Variants in CASK observed in about 807,000 individuals in gnomAD.
CASK encodes the protein calcium/calmodulin dependent serine protein kinase.
CASK carries 4 observed loss-of-function variants against 82.9 expected under a neutral mutation model. That is an observed-to-expected ratio of 0.05 (90% CI 0.02 to 0.11). The LOEUF is 0.11. Ranked by LOEUF, CASK falls within the 10% of genes least tolerant of loss-of-function variation. The probability of loss-of-function intolerance (pLI) is 1.00; values close to 1 mark genes in which losing one functional copy is unlikely to be tolerated. For synonymous variants in CASK, 259 were observed against 253.5 expected, an observed-to-expected ratio of 1.02 and a Z score of -0.20; for missense variants, 358 against 720.9, an observed-to-expected ratio of 0.50 and a Z score of 5.76.
Position 41,531,220 on chromosome X carries a change from G to A in CASK, c.2318-11C>T, listed in dbSNP as rs2147086584. 4 of 1,183,727 alleles carry A rather than the reference G, an allele frequency of 3.4e-6. No individual in the cohort carries two copies. Among genetic ancestry groups the A allele is most frequent in the East Asian group, 3.0e-5 (1 of 33,770 alleles). ...GAGGTCTGGTTGTATCTGCAAAGTC[G>A]CATGGCACAAGAGGTTTAAAAGGCT... is the stretch of plus-strand genomic sequence containing the variant. On this transcript the variant is annotated splice_polypyrimidine_tract_variant and intron_variant, in intron 24 of 26. Coordinates refer to ENST00000378163, the MANE Select transcript of CASK (RefSeq NM_001367721.1).
rs578064521 is a variant in CASK at position 41,671,712 on chromosome X, C to T, written c.430-182G>A. Among the ~76,000 whole-genome samples, 7 of 112,048 alleles carry T rather than the reference C, an allele frequency of 6.2e-5. No homozygotes were observed. In the South Asian group the frequency reaches 2.6e-3, roughly 42 times the overall value. ...TCATATTCTCACGTCTGGCTGATTTCTCCAAATACATACCTGTTCCATCCA... is the reference window on the plus strand; with the variant it reads ...TCATATTCTCACGTCTGGCTGATTTTTCCAAATACATACCTGTTCCATCCA... On this transcript the variant is annotated intron_variant, in intron 5 of 26. Transcript: ENST00000378163.
At chrX:41,522,376 C>T (rs2064649688) in intron 26 of CASK, 1 of 112,100 alleles carries the variant, frequency 8.9e-6, no homozygotes, top group South Asian at 3.7e-4. Flanking sequence ...ACTGGCATTT[C>T]AAAGCAGGAC....
intron 8 of CASK, among the ~76,000 whole-genome samples, chrX:41,647,067 G>T (rs1399356301): frequency 8.9e-6 from 1 of 112,162 alleles, no homozygotes; most frequent in Non-Finnish European, 1.9e-5. Flanking sequence ...TATTCAAAGG[G>T]CTCATTTTGT....
At chrX:41,858,881 AG>A (rs2071422530) in intron 1 of CASK, among the ~76,000 whole-genome samples, 1 of 110,551 alleles carries the variant, frequency 9.0e-6, no homozygotes. Context: ...TTTGAGGGGG[AG>A]GGGGTTGTGA....
At chrX:41,746,537 G>A (rs1021167762) in intron 3 of CASK, among the ~76,000 whole-genome samples, 2 of 109,264 alleles carry the variant, frequency 1.8e-5, no homozygotes, top group African/African-American at 3.3e-5. Flanking sequence ...ACCTATATAT[G>A]TATACATGAA....
intron 1 of CASK, among the ~76,000 whole-genome samples, chrX:41,889,352 T>G (rs2072121612): frequency 9.2e-6 from 1 of 108,786 alleles, no homozygotes; most frequent in African/African-American, 3.4e-5. Flanking sequence ...CTTGCAGGAG[T>G]GAGGTGGTAT....
chrX:41,542,888 A>C (rs926131196), intron 21 of CASK, 82 bp from the exon 22 acceptor site: 10 of 607,314 alleles, frequency 1.6e-5, no homozygotes, highest in Middle Eastern at 4.0e-4. Flanking sequence ...CATTTGAAGA[A>C]TTTATATAAA....
At chrX:41,705,670 A>C (rs2067873858) in intron 5 of CASK, among the ~76,000 whole-genome samples, 1 of 112,171 alleles carries the variant, frequency 8.9e-6, no homozygotes, top group Non-Finnish European at 1.9e-5. Flanking sequence ...ACCTTCATCT[A>C]AACCTGGCTC....
rs146163129 is a variant in CASK, at chrX:41,816,742, A to T, written c.173-29459T>A. Among the ~76,000 whole-genome samples the T allele has an allele frequency of 1.0e-3, 114 of 111,897 alleles. 1 individual carries two copies. In the East Asian group the frequency reaches 0.026, roughly 25 times the overall value. ...ATGTTACAAACAACTCCATGCCAAT[A>T]AATTTACCCACTTAGGTAAAACAGA... On this transcript the variant is annotated intron_variant, in intron 2 of 26. Transcript: ENST00000378163.
chrX:41,564,564 G>A (rs1036553613), intron 16 of CASK, among the ~76,000 whole-genome samples: 6 of 111,460 alleles, frequency 5.4e-5, no homozygotes, highest in African/African-American at 2.0e-4. Flanking sequence ...AGGACGGGAT[G>A]TCTACTATAC....
chrX:41,812,540 G>A (rs1293503505), intron 2 of CASK, among the ~76,000 whole-genome samples: 1 of 109,386 alleles, frequency 9.1e-6, no homozygotes, highest in Non-Finnish European at 1.9e-5. Context: ...AAATTCAACA[G>A]CCCTTCATGC....
chrX:41,838,191 G>A (rs1349411670), intron 2 of CASK, among the ~76,000 whole-genome samples: 2 of 111,359 alleles, frequency 1.8e-5, no homozygotes, highest in Non-Finnish European at 3.8e-5. Context: ...AGTGTGGAGC[G>A]ATATCTTATT....
At chrX:41,868,044 A>G (rs1220783985) in intron 1 of CASK, among the ~76,000 whole-genome samples, 3 of 112,363 alleles carry the variant, frequency 2.7e-5, no homozygotes, top group Admixed American at 9.4e-5. Flanking sequence ...ATGACAAAGA[A>G]AACTTCATGG....
intron 14 of CASK, among the ~76,000 whole-genome samples, chrX:41,581,507 T>C (rs2065579878): frequency 9.0e-6 from 1 of 111,002 alleles, no homozygotes; most frequent in Admixed American, 9.6e-5. Flanking sequence ...TAAATCCTCA[T>C]GTTATAATAA....
chrX:41,565,494 G>T (rs942958312), intron 16 of CASK, among the ~76,000 whole-genome samples: 1 of 111,659 alleles, frequency 9.0e-6, no homozygotes, highest in Non-Finnish European at 1.9e-5. Flanking sequence ...AGAAAAAATG[G>T]ATGAATTCCT....
chrX:41,888,816 T>A (rs1319056307), intron 1 of CASK, among the ~76,000 whole-genome samples: 1 of 106,512 alleles, frequency 9.4e-6, no homozygotes, highest in Non-Finnish European at 1.9e-5. Flanking sequence ...TACATGTATA[T>A]GTATATATGT....
At chrX:41,648,180 G>A (rs186216334) in intron 8 of CASK, among the ~76,000 whole-genome samples, 5 of 111,011 alleles carry the variant, frequency 4.5e-5, no homozygotes, top group East Asian at 5.7e-4. Flanking sequence ...CGCCCACCCC[G>A]AGGCGTACCT....
intron 1 of CASK, among the ~76,000 whole-genome samples, chrX:41,882,451 C>A (rs897003693): frequency 5.4e-5 from 6 of 111,062 alleles, no homozygotes; most frequent in Admixed American, 3.8e-4. Context: ...AAAGGTAGAG[C>A]TCAGGAAGTT....
At chrX:41,770,736 G>C in intron 3 of CASK, among the ~76,000 whole-genome samples, 1 of 110,390 alleles carries the variant, frequency 9.1e-6, no homozygotes, top group Non-Finnish European at 1.9e-5. Flanking sequence ...ACATAAAACT[G>C]AAAAATATAA....
Sources: gnomAD v4.1 joint callset for allele counts (sites outside exome capture counted in the v4.1 genomes callset) on GRCh38, gnomAD v4.1.1 for gene constraint, MANE v1.5 for transcripts, NCBI Gene and HGNC (gene_info 2026-07-23, HGNC 2026-07-21) for gene names.